RBMS3: variants seen among roughly 807,000 people sequenced by gnomAD.
The protein encoded by RBMS3 is RNA-binding motif, single-stranded-interacting protein 3.
A neutral mutation model predicts 66.8 loss-of-function variants in RBMS3; 27 were observed. That is an observed-to-expected ratio of 0.40 (90% CI 0.30 to 0.56). RBMS3 has a LOEUF of 0.56. Among genes scored for constraint, RBMS3 ranks in the 20% least tolerant of loss-of-function variants. The pLI is 0.40. For synonymous variants in RBMS3, 188 were observed against 183.0 expected, an observed-to-expected ratio of 1.03 and a Z score of -0.22; for missense variants, 513 against 549.5, an observed-to-expected ratio of 0.93 and a Z score of 0.66.
At chr3:29,614,127 G>T (rs558498014) in intron 4 of RBMS3, among the ~76,000 whole-genome samples, 1 of 152,042 alleles carries the variant, frequency 6.6e-6, no homozygotes, top group Non-Finnish European at 1.5e-5. Context: ...ATACACAGTG[G>T]AATACTATTC....
intron 7 of RBMS3, among the ~76,000 whole-genome samples, chr3:29,875,876 C>A (rs933071758): frequency 1.3e-5 from 2 of 151,968 alleles, no homozygotes; most frequent in African/African-American, 4.8e-5. Flanking sequence ...TTCTTTATTG[C>A]CATATAGGGA....
At chr3:29,870,435 G>A (rs2149552966) in intron 7 of RBMS3, among the ~76,000 whole-genome samples, 1 of 152,232 alleles carries the variant, frequency 6.6e-6, no homozygotes, top group East Asian at 1.9e-4. Flanking sequence ...TAGCAACTTG[G>A]CATTAATGAC....
At chr3:29,880,886 C>G (rs2059721842) in intron 7 of RBMS3, 1 of 1,446,004 alleles carries the variant, frequency 6.9e-7, no homozygotes, top group Non-Finnish European at 9.4e-7. Flanking sequence ...CTCTCCACCT[C>G]CCTCTCCCAA....
At chr3:29,455,500 G>C (rs2042155999) in intron 2 of RBMS3, among the ~76,000 whole-genome samples, 1 of 151,204 alleles carries the variant, frequency 6.6e-6, no homozygotes, top group Non-Finnish European at 1.5e-5. Context: ...ATTCCCACAA[G>C]CCTCTGATCA....
chr3:29,946,990 A>G (rs1400221065), intron 12 of RBMS3, among the ~76,000 whole-genome samples: 1 of 151,748 alleles, frequency 6.6e-6, no homozygotes, highest in East Asian at 2.0e-4. Context: ...ATTGGCAAGA[A>G]AGTAGTTGAG....
At chr3:29,774,956 A>T (rs1277864318) in intron 6 of RBMS3, among the ~76,000 whole-genome samples, 5 of 151,944 alleles carry the variant, frequency 3.3e-5, no homozygotes, top group Non-Finnish European at 7.4e-5. Context: ...GTCAATAAAT[A>T]TAACGTGTCT....
chr3:29,829,045 T>A (rs948928616), intron 6 of RBMS3, among the ~76,000 whole-genome samples: 1 of 53,986 alleles, frequency 1.9e-5, no homozygotes, highest in Non-Finnish European at 5.0e-5. Flanking sequence ...TTTCTTTCTT[T>A]CTTTTGTTTT....
chr3:29,819,442 T>A (rs2149472284), intron 6 of RBMS3, among the ~76,000 whole-genome samples: 1 of 152,348 alleles, frequency 6.6e-6, no homozygotes, highest in East Asian at 1.9e-4. Context: ...AGCCATAGTT[T>A]ACCAATTCTT....
intron 12 of RBMS3, among the ~76,000 whole-genome samples, chr3:29,975,156 A>G (rs1440669730): frequency 6.8e-6 from 1 of 147,338 alleles, no homozygotes; most frequent in African/African-American, 2.5e-5. Flanking sequence ...TATATGCTTT[A>G]TATTTTATAT....
At chr3:29,767,230 G>T (rs1297032249) in intron 6 of RBMS3, 2 of 151,896 alleles carry the variant, frequency 1.3e-5, no homozygotes, top group Non-Finnish European at 2.9e-5. Context: ...TCACATGTAG[G>T]GACATGTATT....
intron 4 of RBMS3, among the ~76,000 whole-genome samples, chr3:29,622,557 A>G (rs991586564): frequency 1.1e-4 from 17 of 152,368 alleles, no homozygotes; most frequent in African/African-American, 4.1e-4. Context: ...TGAAATGTAC[A>G]ATAAAATTGG....
chr3:29,384,435 T>TAAGAAGAAGAAGAAGAAGAAGAAG (rs71628521), intron 1 of RBMS3, among the ~76,000 whole-genome samples: 95 of 141,102 alleles, frequency 6.7e-4, no homozygotes, highest in East Asian at 5.2e-3. Flanking sequence ...ATAATAATAA[T>TAAGAAGAAGAAGAAGAAGAAGAAG]AAGAAGAAGA....
At chr3:29,498,131 A>T (rs2043831672) in intron 3 of RBMS3, among the ~76,000 whole-genome samples, 1 of 151,174 alleles carries the variant, frequency 6.6e-6, no homozygotes, top group Non-Finnish European at 1.5e-5. Context: ...AGTAGCTGGG[A>T]TTACAGTCAT....
chr3:29,590,499 T>G (rs547774646), intron 4 of RBMS3, among the ~76,000 whole-genome samples: 20 of 152,092 alleles, frequency 1.3e-4, no homozygotes, highest in African/African-American at 4.8e-4. Flanking sequence ...GTAGCATCAG[T>G]CAGCAAACAT....
intron 10 of RBMS3, among the ~76,000 whole-genome samples, chr3:29,935,660 A>T (rs2061247623): frequency 6.6e-6 from 1 of 152,150 alleles, no homozygotes; most frequent in Admixed American, 6.5e-5. Context: ...ACTAAGAATT[A>T]TGTATGTATT....
At chr3:29,657,353 C>T (rs577989751) in intron 4 of RBMS3, among the ~76,000 whole-genome samples, 2 of 152,322 alleles carry the variant, frequency 1.3e-5, no homozygotes, top group Non-Finnish European at 2.9e-5. Flanking sequence ...ATATATCTCA[C>T]ACTATTTTGA....
At chr3:29,923,043 C>A (rs536204423) in intron 10 of RBMS3, among the ~76,000 whole-genome samples, 1 of 152,326 alleles carries the variant, frequency 6.6e-6, no homozygotes, top group South Asian at 2.1e-4. Context: ...ATCCCTTAAT[C>A]TAGGGATTAC....
intron 1 of RBMS3, among the ~76,000 whole-genome samples, chr3:29,332,297 A>T (rs2035710552): frequency 6.6e-6 from 1 of 152,174 alleles, no homozygotes; most frequent in Admixed American, 6.6e-5. Context: ...CAAAACAACA[A>T]GAAACAGTCA....
chr3:29,331,815 C>CT (rs11354452), intron 1 of RBMS3, among the ~76,000 whole-genome samples: 8,554 of 69,710 alleles, frequency 0.12, 432 homozygotes, highest in Non-Finnish European at 0.16. Flanking sequence ...AGGATAGCTC[C>CT]TTTTTTTTTT....
Sources: allele counts gnomAD v4.1 joint callset (sites outside exome capture counted in the v4.1 genomes callset), GRCh38; gene constraint gnomAD v4.1.1; transcripts MANE v1.5; gene names NCBI Gene and HGNC (gene_info 2026-07-23, HGNC 2026-07-21).